The following PRKAG2 variants were observed in gnomAD, a reference collection of about 807,000 sequenced individuals.
PRKAG2 encodes the protein protein kinase AMP-activated non-catalytic subunit gamma 2, also known as 5'-AMP-activated protein kinase subunit gamma-2.
Under a neutral mutation model 69.6 loss-of-function variants are expected in PRKAG2, and 26 were observed. That is an observed-to-expected ratio of 0.37 (90% CI 0.27 to 0.52). PRKAG2 has a LOEUF of 0.52. PRKAG2 is among the 20% of genes least tolerant of loss of function. PRKAG2 has a pLI of 0.90. For synonymous variants in PRKAG2, 293 were observed against 285.0 expected (o/e 1.03, Z -0.28); for missense variants, 557 against 740.0 (o/e 0.75, Z 2.87).
chr7:151,722,366 A>C (rs1797250542), intron 3 of PRKAG2, among the ~76,000 whole-genome samples: 1 of 152,178 alleles, frequency 6.6e-6, no homozygotes, highest in Non-Finnish European at 1.5e-5. Context: ...AGGGTAAATA[A>C]GTTTACAAAC....
intron 3 of PRKAG2, among the ~76,000 whole-genome samples, chr7:151,711,972 C>T (rs112963290): frequency 6.4e-4 from 98 of 152,350 alleles, no homozygotes; most frequent in African/African-American, 2.3e-3. Context: ...AGCCGCCCTC[C>T]TCTGGGTTTC....
chr7:151,723,253 C>T (rs1325946285), intron 3 of PRKAG2, among the ~76,000 whole-genome samples: 1 of 152,126 alleles, frequency 6.6e-6, no homozygotes, highest in Admixed American at 6.5e-5. Flanking sequence ...TAATAGTATA[C>T]ATTTTTGGTA....
chr7:151,643,215 G>A (rs1827037108), intron 4 of PRKAG2, among the ~76,000 whole-genome samples: 1 of 152,114 alleles, frequency 6.6e-6, no homozygotes, highest in African/African-American at 2.4e-5. Context: ...TCTTAGTATT[G>A]TCTTATAATA....
chr7:151,769,192 A>G (rs1368973250), intron 3 of PRKAG2, among the ~76,000 whole-genome samples: 2 of 152,256 alleles, frequency 1.3e-5, no homozygotes, highest in African/African-American at 4.8e-5. Context: ...AGAAGAGAAG[A>G]CAAGTGAAAG....
chr7:151,681,174 G>A (rs969200260), intron 3 of PRKAG2, among the ~76,000 whole-genome samples: 4 of 152,236 alleles, frequency 2.6e-5, no homozygotes, highest in Non-Finnish European at 5.9e-5. Flanking sequence ...AAGGAGGTGA[G>A]AGAGGTGGCG....
intron 1 of PRKAG2, among the ~76,000 whole-genome samples, chr7:151,855,410 CCACATACACCATGCTCCA>C (rs1409073465): frequency 5.8e-5 from 2 of 34,532 alleles, no homozygotes; most frequent in Non-Finnish European, 5.6e-5. Context: ...ACACCACCCT[CCACATACACCATGCTCCA>C]CACACACCGC....
chr7:151,693,981 T>G (rs1381706652), intron 3 of PRKAG2, among the ~76,000 whole-genome samples: 1 of 152,184 alleles, frequency 6.6e-6, no homozygotes, highest in Non-Finnish European at 1.5e-5. Context: ...AAGCAATTCT[T>G]CTGCCTCAGC....
chr7:151,670,610 G>A (rs959892358), intron 4 of PRKAG2, among the ~76,000 whole-genome samples: 4 of 152,208 alleles, frequency 2.6e-5, no homozygotes, highest in Admixed American at 6.5e-5. Context: ...CCACAATAAC[G>A]GAACGGGTTC....
At chr7:151,803,924 C>T (rs574164599) in intron 1 of PRKAG2, among the ~76,000 whole-genome samples, 12 of 121,744 alleles carry the variant, frequency 9.9e-5, no homozygotes, top group Non-Finnish European at 1.4e-4. Context: ...GGCAGCAGTG[C>T]GAGACTATGT....
At chr7:151,876,389 C>T in intron 1 of PRKAG2, 118 bp downstream of exon 1, 1 of 1,025,924 alleles carries the variant, frequency 9.7e-7, no homozygotes, top group Non-Finnish European at 1.5e-6. Flanking sequence ...CCAAGCCGCC[C>T]GAAGTGACAG....
chr7:151,729,427 G>A (rs1348749522), intron 3 of PRKAG2, among the ~76,000 whole-genome samples: 1 of 151,968 alleles, frequency 6.6e-6, no homozygotes, highest in Non-Finnish European at 1.5e-5. Flanking sequence ...GGGCCGGGGA[G>A]GGCCTTGGAG....
At chr7:151,687,828 G>A (rs1007640149) in intron 3 of PRKAG2, among the ~76,000 whole-genome samples, 7 of 152,242 alleles carry the variant, frequency 4.6e-5, no homozygotes, top group African/African-American at 1.7e-4. Flanking sequence ...ATGGGCGACA[G>A]GAAAAAGCAC....
intron 5 of PRKAG2, among the ~76,000 whole-genome samples, chr7:151,598,471 C>T (rs1044400974): frequency 1.3e-5 from 2 of 152,060 alleles, no homozygotes; most frequent in African/African-American, 2.4e-5. Flanking sequence ...AGAAATGATA[C>T]GTGTTTTAGG....
At chr7:151,623,485 T>C (rs972114454) in intron 5 of PRKAG2, among the ~76,000 whole-genome samples, 2 of 151,556 alleles carry the variant, frequency 1.3e-5, no homozygotes, top group South Asian at 2.1e-4. Flanking sequence ...GTTGATCTGA[T>C]AGGAGGCGGA....
intron 2 of PRKAG2, among the ~76,000 whole-genome samples, chr7:151,784,054 G>T (rs954869052): frequency 6.6e-6 from 1 of 152,122 alleles, no homozygotes; most frequent in Non-Finnish European, 1.5e-5. Flanking sequence ...ATCACAAGGT[G>T]ACATAAGCTG....
chr7:151,695,575 C>CT (rs1198064529), intron 3 of PRKAG2, among the ~76,000 whole-genome samples: 1 of 152,220 alleles, frequency 6.6e-6, no homozygotes, highest in Non-Finnish European at 1.5e-5. Flanking sequence ...TCCCTGCCCT[C>CT]TTTCAACTGA....
chr7:151,720,287 T>C (rs1468221289), intron 3 of PRKAG2, among the ~76,000 whole-genome samples: 2 of 152,022 alleles, frequency 1.3e-5, no homozygotes, highest in East Asian at 3.9e-4. Flanking sequence ...ACAAGCATTG[T>C]TGTTCAAGCC....
In PRKAG2 at chr7:151,828,725, A is replaced by G. The variant is rs993438109; in HGVS notation, c.115-42184T>C. ...TGCTTGAGCTCGGGAGTTTGAGACC[A>G]GACTGGACAACACAGCGAGACCCTG... On this transcript the variant is annotated intron_variant, in intron 1 of 15. Transcript: ENST00000287878. The surrounding 1 kb of genome is among the most constrained non-coding windows in gnomAD (Gnocchi z 4.6). Among the ~76,000 whole-genome samples the G allele has an allele frequency of 1.3e-4, 19 of 151,960 alleles. No homozygotes were observed. Among genetic ancestry groups the G allele is most frequent in the Non-Finnish European group, 2.5e-4 (17 of 67,994 alleles).
At chr7:151,784,719 G>A (rs2076913942) in intron 2 of PRKAG2, among the ~76,000 whole-genome samples, 1 of 152,218 alleles carries the variant, frequency 6.6e-6, no homozygotes, top group East Asian at 1.9e-4. Context: ...GAGCAAGGGG[G>A]ACCCCAGGAT....
Sources: allele counts gnomAD v4.1 joint callset (sites outside exome capture counted in the v4.1 genomes callset), GRCh38; gene constraint gnomAD v4.1.1; non-coding constraint Gnocchi (gnomAD v3.1); transcripts MANE v1.5; gene names NCBI Gene and HGNC (gene_info 2026-07-23, HGNC 2026-07-21).